Variants in RBFOX1 observed in about 807,000 individuals in gnomAD.
The protein encoded by RBFOX1 is RNA binding protein fox-1 homolog 1.
A neutral mutation model predicts 57.7 loss-of-function variants in RBFOX1; 8 were observed. The observed-to-expected ratio is 0.14, with a 90% confidence interval of 0.08 to 0.25. The LOEUF (loss-of-function observed/expected upper bound fraction) is 0.25, where lower values mean the gene tolerates loss of function less well. Among genes scored for constraint, RBFOX1 ranks in the 10% least tolerant of loss-of-function variants. The probability of loss-of-function intolerance (pLI) is 1.00; values close to 1 mark genes in which losing one functional copy is unlikely to be tolerated. For synonymous variants in RBFOX1, 326 were observed against 222.4 expected (o/e 1.47, Z -4.15); for missense variants, 611 against 548.5 (o/e 1.11, Z -1.14).
At chr16:5,591,879 C>T (rs897635795) in intron 2 of RBFOX1, among the ~76,000 whole-genome samples, 10 of 152,186 alleles carry the variant, frequency 6.6e-5, no homozygotes, top group African/African-American at 1.9e-4. Flanking sequence ...AAACAGCAGA[C>T]ACTCGAAAAA....
At chr16:6,334,369 A>T (rs774310847) in intron 2 of RBFOX1, among the ~76,000 whole-genome samples, 1 of 151,986 alleles carries the variant, frequency 6.6e-6, no homozygotes, top group Non-Finnish European at 1.5e-5. Context: ...TTAGCCAGGC[A>T]TGTTGGTGTG....
At chr16:6,611,423 A>T (rs554546854) in intron 2 of RBFOX1, among the ~76,000 whole-genome samples, 2 of 152,348 alleles carry the variant, frequency 1.3e-5, no homozygotes, top group African/African-American at 2.4e-5. Flanking sequence ...CTGGGATGTC[A>T]GGCGTGAGCC....
chr16:6,333,462 C>T (rs1392611927), intron 2 of RBFOX1, among the ~76,000 whole-genome samples: 1 of 152,110 alleles, frequency 6.6e-6, no homozygotes, highest in African/African-American at 2.4e-5. Flanking sequence ...GCTTTTTATT[C>T]AGTGTTTTTT....
At chr16:6,655,164 A>G (rs1024039238) in intron 3 of RBFOX1, among the ~76,000 whole-genome samples, 1 of 151,698 alleles carries the variant, frequency 6.6e-6, no homozygotes, top group Non-Finnish European at 1.5e-5. Flanking sequence ...ATCTGAGGTC[A>G]GGAGTTAGAG....
At chr16:6,380,460 A>T (rs2091693543) in intron 2 of RBFOX1, among the ~76,000 whole-genome samples, 1 of 127,450 alleles carries the variant, frequency 7.8e-6, no homozygotes, top group Non-Finnish European at 1.6e-5. Context: ...AGAACTCAGC[A>T]GCTTGGGTCT....
chr16:7,198,567 C>G (rs2087410134), intron 4 of RBFOX1, among the ~76,000 whole-genome samples: 1 of 152,166 alleles, frequency 6.6e-6, no homozygotes, highest in Non-Finnish European at 1.5e-5. Context: ...GTGTATTTGG[C>G]TCATGGGTTT....
At chr16:7,356,483 G>A (rs978556009) in intron 4 of RBFOX1, among the ~76,000 whole-genome samples, 1 of 152,112 alleles carries the variant, frequency 6.6e-6, no homozygotes, top group Non-Finnish European at 1.5e-5. Flanking sequence ...GATGGCCAGG[G>A]CCTTGTGATG....
intron 3 of RBFOX1, among the ~76,000 whole-genome samples, chr16:7,051,777 T>C (rs1249881126): frequency 6.6e-6 from 1 of 151,826 alleles, no homozygotes; most frequent in African/African-American, 2.4e-5. Context: ...AGAGGGGAGG[T>C]GCCCTCATCC....
rs114892844 is a variant in RBFOX1, at chr16:7,677,194, C to T, written c.995+356C>T. On this transcript the variant is annotated intron_variant, in intron 14 of 15. Coordinates refer to ENST00000550418, the MANE Select transcript of RBFOX1 (RefSeq NM_018723.4). ...CTTCTTATGGTCTTCCACATAAGAC[C>T]ACGGTTTCATCTAACTCATAGGAAG... is the stretch of plus-strand genomic sequence containing the variant. Among the ~76,000 whole-genome samples, 667 of 142,884 alleles carry T rather than the reference C, an allele frequency of 4.7e-3. 6 individuals are homozygous for T. The highest frequency in any genetic ancestry group is 0.016 in the African/African-American group (637 of 39,796). 93.7% of individuals were successfully genotyped at this position (142,884 alleles called of 152,430 possible). A position where few individuals can be genotyped will look rare whatever the true frequency, so the allele number is the denominator to read the frequency against.
At chr16:7,453,671 C>A (rs75522490) in intron 4 of RBFOX1, among the ~76,000 whole-genome samples, 4 of 152,130 alleles carry the variant, frequency 2.6e-5, no homozygotes, top group Admixed American at 2.0e-4. Flanking sequence ...TCATGCCAAG[C>A]ACTGGTCAAG....
intron 3 of RBFOX1, among the ~76,000 whole-genome samples, chr16:5,762,065 A>T (rs1055012216): frequency 6.6e-6 from 1 of 152,202 alleles, no homozygotes; most frequent in African/African-American, 2.4e-5. Flanking sequence ...GAATGGAAAT[A>T]AAAATGGATC....
chr16:6,925,109 G>GTTTTTTTTTTTTTTTTTTTT (rs57556084), intron 3 of RBFOX1, among the ~76,000 whole-genome samples: 3 of 45,250 alleles, frequency 6.6e-5, no homozygotes, highest in Admixed American at 3.5e-4. Flanking sequence ...TAGGTTGTTG[G>GTTTTTTTTTTTTTTTTTTTT]TTTTTTTTTT....
chr16:7,403,840 C>T (rs545411327), intron 4 of RBFOX1, among the ~76,000 whole-genome samples: 49 of 151,650 alleles, frequency 3.2e-4, no homozygotes, highest in African/African-American at 8.7e-4. Flanking sequence ...GCCACCATGC[C>T]GGGGCTCCTT....
At chr16:5,613,717 G>C (rs1179953415) in intron 3 of RBFOX1, among the ~76,000 whole-genome samples, 2 of 152,112 alleles carry the variant, frequency 1.3e-5, no homozygotes, top group Non-Finnish European at 2.9e-5. Flanking sequence ...GCTCACAAAA[G>C]CAGTTGATGC....
chr16:6,482,497 C>G (rs1193796931), intron 2 of RBFOX1, among the ~76,000 whole-genome samples: 2 of 152,174 alleles, frequency 1.3e-5, no homozygotes, highest in African/African-American at 4.8e-5. Context: ...ATGAGGACTT[C>G]TTGGGAAAAT....
chr16:7,417,982 T>G (rs1209601235), intron 4 of RBFOX1, among the ~76,000 whole-genome samples: 1 of 152,090 alleles, frequency 6.6e-6, no homozygotes, highest in African/African-American at 2.4e-5. Context: ...ACAACCACCC[T>G]CATCCCACAG....
chr16:5,667,351 T>C (rs185935135), intron 3 of RBFOX1, among the ~76,000 whole-genome samples: 2 of 152,390 alleles, frequency 1.3e-5, no homozygotes, highest in Admixed American at 6.5e-5. Context: ...TTTGGCTGTG[T>C]CCTGTCACGT....
At chr16:7,002,263 A>G (rs575767128) in intron 3 of RBFOX1, among the ~76,000 whole-genome samples, 13 of 152,274 alleles carry the variant, frequency 8.5e-5, no homozygotes, top group East Asian at 1.9e-4. Flanking sequence ...AAGTTAATCT[A>G]TCTACTTTGG....
At chr16:7,406,128 C>G (rs954730358) in intron 4 of RBFOX1, among the ~76,000 whole-genome samples, 2 of 152,104 alleles carry the variant, frequency 1.3e-5, no homozygotes, top group African/African-American at 4.8e-5. Flanking sequence ...CCCGCATTGC[C>G]CAAAACACAG....
Sources: gnomAD v4.1 joint callset for allele counts (sites outside exome capture counted in the v4.1 genomes callset) on GRCh38, gnomAD v4.1.1 for gene constraint, MANE v1.5 for transcripts, NCBI Gene and HGNC (gene_info 2026-07-23, HGNC 2026-07-21) for gene names.